NUBPL: variants seen among roughly 807,000 people sequenced by gnomAD.
NUBPL encodes NUBP iron-sulfur cluster assembly factor, mitochondrial, also known as iron-sulfur cluster transfer protein NUBPL.
In NUBPL, 31 loss-of-function variants were observed where a neutral mutation model predicts 45.7. That is an observed-to-expected ratio of 0.68 (90% CI 0.51 to 0.92). The LOEUF is 0.92. Among genes scored for constraint, NUBPL ranks in the 40% least tolerant of loss-of-function variants. The probability of loss-of-function intolerance (pLI) is 0.00; values close to 1 mark genes in which losing one functional copy is unlikely to be tolerated. For missense variants in NUBPL, 401 were observed against 398.7 expected (o/e 1.01, Z -0.05); for synonymous variants, 144 against 140.9 (o/e 1.02, Z -0.15).
chr14:31,819,710 A>G (rs1442513500), intron 7 of NUBPL, among the ~76,000 whole-genome samples: 1 of 152,260 alleles, frequency 6.6e-6, no homozygotes. Context: ...TGTATTTGCC[A>G]GAATCTGCCA....
At chr14:31,780,718 G>A (rs2039177983) in intron 6 of NUBPL, among the ~76,000 whole-genome samples, 1 of 152,118 alleles carries the variant, frequency 6.6e-6, no homozygotes, top group South Asian at 2.1e-4. Flanking sequence ...AAAAATTTGA[G>A]ATAATAACTG....
chr14:31,813,821 T>C (rs2039863616), intron 7 of NUBPL, among the ~76,000 whole-genome samples: 1 of 152,158 alleles, frequency 6.6e-6, no homozygotes, highest in African/African-American at 2.4e-5. Flanking sequence ...TTGCTGAAAA[T>C]GATGATTTCC....
At chr14:31,661,762 A>G (rs376756281) in intron 4 of NUBPL, among the ~76,000 whole-genome samples, 4 of 152,014 alleles carry the variant, frequency 2.6e-5, no homozygotes, top group South Asian at 2.1e-4. Context: ...GGATGGTCTC[A>G]ATCTCCTGAC....
chr14:31,679,824 C>A lies in NUBPL; in HGVS notation c.513+6250C>A, dbSNP rs557014348. Among the ~76,000 whole-genome samples the A allele has an allele frequency of 3.3e-5, 5 of 152,250 alleles. No homozygotes were observed. In the South Asian group the frequency reaches 1.0e-3, roughly 32 times the overall value. On this transcript the variant is annotated intron_variant, in intron 6 of 10. Transcript: ENST00000281081. ...TTAGGATGATATTCAATATATAGAA[C>A]AATTTTGGATGAATTGAGATTCTGA...
intron 7 of NUBPL, among the ~76,000 whole-genome samples, chr14:31,819,265 G>A (rs1406818121): frequency 6.6e-6 from 1 of 152,080 alleles, no homozygotes; most frequent in Non-Finnish European, 1.5e-5. Flanking sequence ...ATTTTCTTTT[G>A]ATGCAAGTAT....
At chr14:31,666,263 A>ATT in intron 4 of NUBPL, among the ~76,000 whole-genome samples, 3,854 of 111,694 alleles carry the variant, frequency 0.035, 572 homozygotes, top group Middle Eastern at 0.062. Flanking sequence ...ATATATATAT[A>ATT]ATTTTATTTT....
chr14:31,628,610 C>T (rs573432099), intron 4 of NUBPL, among the ~76,000 whole-genome samples: 1 of 152,234 alleles, frequency 6.6e-6, no homozygotes, highest in East Asian at 1.9e-4. Context: ...GCTAAATACC[C>T]ATGTCTGAAT....
chr14:31,718,295 C>G (rs973500278), intron 6 of NUBPL, among the ~76,000 whole-genome samples: 2 of 152,050 alleles, frequency 1.3e-5, no homozygotes, highest in Non-Finnish European at 2.9e-5. Flanking sequence ...TTACAAGTGT[C>G]CCAGGGAAAA....
intron 6 of NUBPL, among the ~76,000 whole-genome samples, chr14:31,773,420 T>G (rs1207342489): frequency 6.7e-6 from 1 of 150,192 alleles, no homozygotes; most frequent in Non-Finnish European, 1.5e-5. Flanking sequence ...GAGGTATGGA[T>G]CTGGAGGGAG....
At position 31,742,277 on chromosome 14, in the gene NUBPL, C is replaced by G. The variant is rs977336860; in HGVS notation, c.514-45503C>G. 2.0e-5 allele frequency among the ~76,000 whole-genome samples: 3 copies of G among 149,370 alleles called. No individual in the cohort carries two copies. In the South Asian group the frequency reaches 6.4e-4, roughly 32 times the overall value. On this transcript the variant is annotated intron_variant, in intron 6 of 10. Transcript: ENST00000281081. ...ACACACACACACACACACACACACA[C>G]ACATCTTCCTTTCCCAGGTTCATGC...
chr14:31,817,037 A>G (rs1055171011), intron 7 of NUBPL, among the ~76,000 whole-genome samples: 3 of 152,038 alleles, frequency 2.0e-5, no homozygotes, highest in Non-Finnish European at 2.9e-5. Flanking sequence ...AAGCATTCAC[A>G]GGTTATCAGT....
chr14:31,758,110 C>T (rs1278566530), intron 6 of NUBPL, among the ~76,000 whole-genome samples: 1 of 152,084 alleles, frequency 6.6e-6, no homozygotes, highest in Non-Finnish European at 1.5e-5. Context: ...TTTGATGTCT[C>T]CTTTTATATT....
intron 8 of NUBPL, among the ~76,000 whole-genome samples, chr14:31,834,830 G>T (rs1292463264): frequency 6.6e-6 from 1 of 152,182 alleles, no homozygotes; most frequent in Non-Finnish European, 1.5e-5. Context: ...TGTTTAGTGG[G>T]ACATCTGGGC....
chr14:31,733,588 T>C (rs55674235), intron 6 of NUBPL, among the ~76,000 whole-genome samples: 24,189 of 152,128 alleles, frequency 0.16, 5,475 homozygotes, highest in African/African-American at 0.51. Context: ...TTATTTTTAA[T>C]TATGTGTTTC....
intron 6 of NUBPL, among the ~76,000 whole-genome samples, chr14:31,754,444 G>T (rs2038603386): frequency 6.6e-6 from 1 of 151,998 alleles, no homozygotes; most frequent in African/African-American, 2.4e-5. Flanking sequence ...CTATGAGAAT[G>T]CAATAAGTAA....
intron 4 of NUBPL, among the ~76,000 whole-genome samples, chr14:31,618,888 G>A (rs779633325): frequency 7.2e-5 from 11 of 152,104 alleles, no homozygotes; most frequent in African/African-American, 1.2e-4. Flanking sequence ...ACAGTGGGGT[G>A]TTAAAGTGTC....
At chr14:31,838,371 G>A (rs1490815014) in intron 8 of NUBPL, among the ~76,000 whole-genome samples, 3 of 149,106 alleles carry the variant, frequency 2.0e-5, no homozygotes, top group African/African-American at 7.5e-5. Flanking sequence ...CAACCCAAAT[G>A]ACCCAAAAGG....
At position 31,859,222 on chromosome 14, in the gene NUBPL, G is replaced by A. The variant is rs1282575951; in HGVS notation, c.*42G>A. 1 of 1,493,330 alleles carries A rather than the reference G, an allele frequency of 6.7e-7. No individual in the cohort carries two copies. 92.5% of individuals were successfully genotyped at this position (1,493,330 alleles called of 1,614,324 possible). On this transcript the variant is annotated 3_prime_UTR_variant, in exon 11 of 11. Transcript: ENST00000281081. Reference sequence around the variant, plus strand: ...GAAATTTGCCTGGTACTGACATTAAGAGGACCTTTGGAAATCAGCAATGTG... The same window carrying A: ...GAAATTTGCCTGGTACTGACATTAAAAGGACCTTTGGAAATCAGCAATGTG...
At chr14:31,852,195 GA>G (rs1023917217) in intron 10 of NUBPL, among the ~76,000 whole-genome samples, 22 of 152,274 alleles carry the variant, frequency 1.4e-4, no homozygotes, top group African/African-American at 4.1e-4. Flanking sequence ...AAGAATAAAT[GA>G]AATAATAATG....
Sources: allele counts gnomAD v4.1 joint callset (sites outside exome capture counted in the v4.1 genomes callset), GRCh38; gene constraint gnomAD v4.1.1; transcripts MANE v1.5; gene names NCBI Gene and HGNC (gene_info 2026-07-23, HGNC 2026-07-21).